The following CFAP43 variants were observed in gnomAD, a reference collection of about 807,000 sequenced individuals.
CFAP43 encodes the protein cilia and flagella associated protein 43.
In CFAP43, 155 loss-of-function variants were observed where a neutral mutation model predicts 218.9. That is an observed-to-expected ratio of 0.71 (90% CI 0.62 to 0.81). CFAP43 has a LOEUF of 0.81. CFAP43 is among the 30% of genes least tolerant of loss of function. The pLI is 0.00. For synonymous variants in CFAP43, 645 were observed against 681.3 expected, an observed-to-expected ratio of 0.95 and a Z score of 0.83; for missense variants, 1,778 against 1,954.3, an observed-to-expected ratio of 0.91 and a Z score of 1.70.
chr10:104,198,067 C>T (rs563548323), intron 8 of CFAP43, 29 bp from the exon 9 acceptor site: 2 of 1,340,788 alleles, frequency 1.5e-6, no homozygotes, highest in Admixed American at 1.8e-5. Context: ...AAAAGAAACA[C>T]ATTGTAATTG....
At chr10:104,210,852 G>C (rs548747966) in intron 5 of CFAP43, among the ~76,000 whole-genome samples, 1 of 141,392 alleles carries the variant, frequency 7.1e-6, no homozygotes, top group Admixed American at 7.6e-5. Context: ...GTGCAGTGGC[G>C]TGATCTCGAC....
At chr10:104,189,609 C>T (rs751430600) in intron 12 of CFAP43, among the ~76,000 whole-genome samples, 1 of 152,164 alleles carries the variant, frequency 6.6e-6, no homozygotes, top group Non-Finnish European at 1.5e-5. Context: ...CCTCAGTTTT[C>T]TTCACTGCCT....
Position 104,131,755 on chromosome 10 carries a change from T to G in CFAP43, c.4678-271A>C, listed in dbSNP as rs115747462. On this transcript the variant is annotated intron_variant, in intron 36 of 37. Coordinates refer to ENST00000357060, the MANE Select transcript of CFAP43 (RefSeq NM_025145.7). ...TTGAGATTGCTTTGTTTCTAATATATGCTACATAATAAAAACTGACCATTT... is the reference window on the plus strand; with the variant it reads ...TTGAGATTGCTTTGTTTCTAATATAGGCTACATAATAAAAACTGACCATTT... 6.3e-3 allele frequency among the ~76,000 whole-genome samples: 966 copies of G among 152,304 alleles called. 11 individuals carry two copies. Among genetic ancestry groups the G allele is most frequent in the African/African-American group, 0.023 (946 of 41,576 alleles).
At chr10:104,167,837 A>T in intron 21 of CFAP43, 100 bp from the exon 22 acceptor site, 2 of 766,058 alleles carry the variant, frequency 2.6e-6, no homozygotes, top group Non-Finnish European at 4.1e-6. Flanking sequence ...AAATTAACCC[A>T]TAGGTTATCA....
chr10:104,203,625 T>C, intron 8 of CFAP43, 47 bp downstream of exon 8: 1 of 1,559,560 alleles, frequency 6.4e-7, no homozygotes, highest in African/African-American at 1.4e-5. Context: ...ATGATGATAA[T>C]AATACTATCT....
At chr10:104,221,096 C>A (rs1298628096) in intron 3 of CFAP43, among the ~76,000 whole-genome samples, 2 of 152,168 alleles carry the variant, frequency 1.3e-5, no homozygotes, top group African/African-American at 4.8e-5. Flanking sequence ...CTGCCTCAGC[C>A]TCCTGAGTAG....
intron 4 of CFAP43, 83 bp from the exon 5 acceptor site, chr10:104,212,240 G>A: frequency 7.3e-7 from 1 of 1,367,354 alleles, no homozygotes; most frequent in Non-Finnish European, 9.8e-7. Context: ...TTTAAGTGAG[G>A]TGGGGAGGTA....
chr10:104,223,349 C>T (rs1430851029), intron 3 of CFAP43, among the ~76,000 whole-genome samples: 1 of 152,114 alleles, frequency 6.6e-6, no homozygotes, highest in East Asian at 1.9e-4. Context: ...ATTTTTGAAA[C>T]TCTGACTTAA....
rs536097638 is a variant in CFAP43 at position 104,205,168 on chromosome 10, G to A, written c.963+795C>T. 1.0e-3 allele frequency among the ~76,000 whole-genome samples: 144 copies of A among 139,290 alleles called. 1 individual carries two copies. The highest frequency in any genetic ancestry group is 1.7e-3 in the Admixed American group (22 of 12,974). The allele number at this position is 139,290 out of a possible 152,430, so 91.4% of individuals were successfully genotyped here. ...TTGGAGCTTGCAGTGAGCCGAGATC[G>A]CGCCACTGTACTCCAGCCTGGGAGA... is the stretch of plus-strand genomic sequence containing the variant. On this transcript the variant is annotated intron_variant, in intron 7 of 37. Transcript: ENST00000357060.
At chr10:104,188,699 C>T (rs555598346) in intron 12 of CFAP43, among the ~76,000 whole-genome samples, 2 of 152,156 alleles carry the variant, frequency 1.3e-5, no homozygotes, top group Admixed American at 6.5e-5. Context: ...ATCTCCACCC[C>T]CTATCCCTCC....
In CFAP43 at chr10:104,172,416, C is replaced by T; in HGVS notation, c.2580G>A (p.Val860=). ...AAATTATACTTTTTCATACCTTTGC[C>T]ACTTCTTCCTGACTTTCATCATGAA... ...ERLHDESQEE[V]AKMIKDVEMH... The change falls in exon 20 of 38, where the codon GTG becomes GTA. Residue 860 remains valine, a synonymous_variant. Transcript: ENST00000357060. 1 of 1,606,554 alleles carries T rather than the reference C, an allele frequency of 6.2e-7. No individual in the cohort carries two copies. The highest frequency in any genetic ancestry group is 8.5e-7 in the Non-Finnish European group (1 of 1,178,000).
chr10:104,143,366 G>T, intron 32 of CFAP43, 60 bp downstream of exon 32: 1 of 1,449,776 alleles, frequency 6.9e-7, no homozygotes, highest in Non-Finnish European at 9.4e-7. Flanking sequence ...ACTGACCAAT[G>T]TAAACTATGT....
At chr10:104,221,969 G>C (rs1245848430) in intron 3 of CFAP43, among the ~76,000 whole-genome samples, 1 of 152,110 alleles carries the variant, frequency 6.6e-6, no homozygotes, top group African/African-American at 2.4e-5. Flanking sequence ...GACCCCACCA[G>C]CCTGGGACTA....
At chr10:104,161,878 G>A in intron 26 of CFAP43, 83 bp downstream of exon 26, 2 of 1,334,490 alleles carry the variant, frequency 1.5e-6, no homozygotes, top group Non-Finnish European at 2.1e-6. Context: ...TAAAACCCAG[G>A]TTTATATAGG....
At chr10:104,173,764 C>T (rs1387965473) in intron 19 of CFAP43, among the ~76,000 whole-genome samples, 2 of 152,212 alleles carry the variant, frequency 1.3e-5, no homozygotes, top group Admixed American at 6.5e-5. Flanking sequence ...ATCTCCTACA[C>T]TTCTTCCAAA....
At position 104,131,345 on chromosome 10, in the gene CFAP43, A is replaced by T; in HGVS notation, c.4817T>A (p.Ile1606Asn). 1.9e-6 allele frequency: 3 copies of T among 1,610,758 alleles called. No individual in the cohort carries two copies. The highest frequency in any genetic ancestry group is 1.3e-5 in the African/African-American group (1 of 74,776). ...AGCATGCTTACCCATTGCATTACAGATGTCTTTTCTCTCTGAGACAGCTAC... is the reference window on the plus strand; with the variant it reads ...AGCATGCTTACCCATTGCATTACAGTTGTCTTTTCTCTCTGAGACAGCTAC... ...ELVAVSERKD[I>N]CNAMGSKLTC... The change falls in exon 37 of 38, where the codon ATC (isoleucine) becomes AAC (asparagine). Residue 1606 changes from isoleucine (I) to asparagine (N), a missense_variant. Physicochemically the swap from Ile to Asn is moderately radical, Grantham distance 149. Coordinates refer to ENST00000357060, the MANE Select transcript of CFAP43 (RefSeq NM_025145.7).
chr10:104,157,629 G>A (rs1422774034), intron 27 of CFAP43, among the ~76,000 whole-genome samples: 1 of 151,952 alleles, frequency 6.6e-6, no homozygotes, highest in Non-Finnish European at 1.5e-5. Context: ...TGTATTTTGG[G>A]AACTAGAGTT....
chr10:104,155,994 T>C (rs1227743812), intron 27 of CFAP43, among the ~76,000 whole-genome samples: 1 of 151,906 alleles, frequency 6.6e-6, no homozygotes, highest in Admixed American at 6.6e-5. Context: ...ATTAGAGTGG[T>C]AGCTGTAGAG....
At chr10:104,136,074 AC>A (rs1304436310) in intron 34 of CFAP43, among the ~76,000 whole-genome samples, 1 of 151,764 alleles carries the variant, frequency 6.6e-6, no homozygotes, top group Non-Finnish European at 1.5e-5. Flanking sequence ...ACAAGGTGAA[AC>A]CCTGTCTCTA....
Sources: gnomAD v4.1 joint callset for allele counts (sites outside exome capture counted in the v4.1 genomes callset) on GRCh38, gnomAD v4.1.1 for gene constraint, MANE v1.5 for transcripts, NCBI Gene and HGNC (gene_info 2026-07-23, HGNC 2026-07-21) for gene names.